Variants in COL13A1 observed in about 807,000 individuals in gnomAD.
COL13A1 encodes the protein collagen type XIII alpha 1 chain.
Under a neutral mutation model 130.9 loss-of-function variants are expected in COL13A1, and 89 were observed. That is an observed-to-expected ratio of 0.68 (90% CI 0.57 to 0.81). The LOEUF (loss-of-function observed/expected upper bound fraction) is 0.81. COL13A1 is among the 30% of genes least tolerant of loss of function. The pLI, the probability that COL13A1 is intolerant of heterozygous loss-of-function variation, is 0.00. For synonymous variants in COL13A1, 402 were observed against 341.6 expected (o/e 1.18, Z -1.95); for missense variants, 879 against 934.6 (o/e 0.94, Z 0.78).
intron 2 of COL13A1, among the ~76,000 whole-genome samples, chr10:69,835,956 A>G (rs775008718): frequency 6.6e-6 from 1 of 152,228 alleles, no homozygotes; most frequent in Non-Finnish European, 1.5e-5. Context: ...CTCCATTTCC[A>G]TAGAAGACTG....
intron 2 of COL13A1, among the ~76,000 whole-genome samples, chr10:69,861,491 T>C (rs1229816314): frequency 6.6e-6 from 1 of 152,116 alleles, no homozygotes; most frequent in African/African-American, 2.4e-5. Flanking sequence ...CTGCAATCAA[T>C]GCTAGTCCCC....
In COL13A1 at chr10:69,826,179, C is replaced by T. The variant is rs1484450619; in HGVS notation, c.364+3741C>T. ...GAGGAGCAGGACATTATAGTCTAGC[C>T]AGCGAGGAAACAGCTACTTCAGGCC... On this transcript the variant is annotated intron_variant, in intron 2 of 40. Coordinates refer to ENST00000645393, the MANE Select transcript of COL13A1 (RefSeq NM_001368882.1). Among the ~76,000 whole-genome samples the T allele has an allele frequency of 9.2e-5, 14 of 152,192 alleles. 1 individual carries two copies. Among genetic ancestry groups the T allele is most frequent in the Admixed American group, 9.2e-4 (14 of 15,284 alleles).
intron 7 of COL13A1, among the ~76,000 whole-genome samples, chr10:69,885,913 G>A (rs11812091): frequency 0.2 from 30,879 of 151,978 alleles, 3,429 homozygotes; most frequent in East Asian, 0.46. Context: ...CTAAGCCTGT[G>A]GCAGACTTCA....
At chr10:69,892,108 G>C (rs2061239144) in intron 10 of COL13A1, among the ~76,000 whole-genome samples, 1 of 152,120 alleles carries the variant, frequency 6.6e-6, no homozygotes, top group Non-Finnish European at 1.5e-5. Context: ...CCTCTCTCGT[G>C]AGCCCACATC....
In COL13A1 at chr10:69,913,948, G is replaced by A. The variant is rs574154282; in HGVS notation, c.922-3341G>A. On this transcript the variant is annotated intron_variant, in intron 17 of 40. Transcript: ENST00000645393. ...TTAAGAGAATTGACCCAGAGAGGAG[G>A]GAAGGGGCGAAGGTCAGCCACCCTA... Among the ~76,000 whole-genome samples the A allele has an allele frequency of 2.6e-5, 4 of 152,242 alleles. No individual in the cohort carries two copies. The South Asian group carries it at 8.3e-4, about 32-fold the overall frequency.
At chr10:69,817,185 C>G (rs189862263) in intron 1 of COL13A1, among the ~76,000 whole-genome samples, 2 of 152,000 alleles carry the variant, frequency 1.3e-5, no homozygotes, top group South Asian at 4.1e-4. Context: ...TTATGTTTGC[C>G]GGCCCCTGAT....
intron 2 of COL13A1, among the ~76,000 whole-genome samples, chr10:69,845,246 G>T (rs1218862688): frequency 6.7e-6 from 1 of 148,676 alleles, no homozygotes; most frequent in Non-Finnish European, 1.5e-5. Context: ...AGGCTGGAGT[G>T]CAGTGGCGTG....
chr10:69,927,661 G>A (rs937810147), intron 27 of COL13A1, among the ~76,000 whole-genome samples: 1 of 152,160 alleles, frequency 6.6e-6, no homozygotes, highest in Non-Finnish European at 1.5e-5. Context: ...AACTTCTAAG[G>A]TAGAGGATGG....
At chr10:69,884,164 G>A (rs1009601475) in intron 7 of COL13A1, among the ~76,000 whole-genome samples, 1 of 152,192 alleles carries the variant, frequency 6.6e-6, no homozygotes, top group African/African-American at 2.4e-5. Context: ...ATCTGCTGCT[G>A]GAAGTCAGAG....
At position 69,933,887 on chromosome 10, in the gene COL13A1, C is replaced by T. The variant is rs1348261454; in HGVS notation, c.1728+1283C>T. Among the ~76,000 whole-genome samples the T allele has an allele frequency of 4.6e-5, 7 of 152,290 alleles. No homozygotes were observed. The East Asian group carries it at 1.3e-3, about 29-fold the overall frequency. On this transcript the variant is annotated intron_variant, in intron 31 of 40. Transcript: ENST00000645393. ...GCACTAAGCCCTGGGTATGTAACAA[C>T]TCATTTTCACTCCACCCAGTGAATA... is the stretch of plus-strand genomic sequence containing the variant.
At position 69,919,738 on chromosome 10, in the gene COL13A1, G is replaced by A. The variant is rs1006716478; in HGVS notation, c.1089+11G>A. ...AAGAGGGGGCAGAGGGTAGGATATCGTGTATTTGAGTGTGTGCCCCTTCAT... is the reference window on the plus strand; with the variant it reads ...AAGAGGGGGCAGAGGGTAGGATATCATGTATTTGAGTGTGTGCCCCTTCAT... On this transcript the variant is annotated intron_variant, in intron 21 of 40. Transcript: ENST00000645393. 3.5e-5 allele frequency: 14 copies of A among 398,560 alleles called. No homozygotes were observed. Among genetic ancestry groups the A allele is most frequent in the East Asian group, 1.4e-4 (4 of 28,074 alleles). The allele number at this position is 398,560 out of a possible 1,614,324, so 24.7% of individuals were successfully genotyped here.
intron 13 of COL13A1, among the ~76,000 whole-genome samples, chr10:69,896,667 G>A (rs1314533575): frequency 1.3e-5 from 2 of 152,206 alleles, no homozygotes; most frequent in Non-Finnish European, 2.9e-5. Flanking sequence ...CAGGAAGCTG[G>A]AAGGCAGGCC....
intron 1 of COL13A1, among the ~76,000 whole-genome samples, chr10:69,819,118 G>A (rs1238606231): frequency 2.0e-5 from 3 of 152,188 alleles, no homozygotes; most frequent in African/African-American, 7.2e-5. Flanking sequence ...AGGATCTATT[G>A]AATAAAAGCA....
intron 1 of COL13A1, among the ~76,000 whole-genome samples, chr10:69,816,087 G>C (rs903559696): frequency 3.2e-4 from 49 of 151,388 alleles, no homozygotes; most frequent in African/African-American, 1.1e-3. Context: ...AGCTTCAGAG[G>C]CCTGTGTGAT....
intron 7 of COL13A1, among the ~76,000 whole-genome samples, chr10:69,886,529 T>A (rs1290812484): frequency 6.6e-6 from 1 of 152,168 alleles, no homozygotes; most frequent in Non-Finnish European, 1.5e-5. Context: ...TGTCTGAGCA[T>A]GGAATAGATG....
intron 40 of COL13A1, among the ~76,000 whole-genome samples, chr10:69,958,067 AC>A (rs1038608108): frequency 7.2e-5 from 11 of 151,936 alleles, no homozygotes; most frequent in Non-Finnish European, 1.3e-4. Context: ...AACGCTGACC[AC>A]CTACCTGCCT....
At chr10:69,878,264 GGC>G (rs1294648370) in intron 6 of COL13A1, among the ~76,000 whole-genome samples, 199 bp downstream of exon 6, 1 of 152,152 alleles carries the variant, frequency 6.6e-6, no homozygotes, top group Non-Finnish European at 1.5e-5. Context: ...ATTCCTGGGC[GGC>G]GGTCCCAGCT....
At chr10:69,826,303 T>TCAGC (rs1342485461) in intron 2 of COL13A1, among the ~76,000 whole-genome samples, 1 of 152,204 alleles carries the variant, frequency 6.6e-6, no homozygotes, top group African/African-American at 2.4e-5. Context: ...GAAGAATGGC[T>TCAGC]AGCTCAGCTG....
In COL13A1 at chr10:69,894,632, C is replaced by G. The variant is rs1255778975; in HGVS notation, c.631-43C>G. 3.1e-6 allele frequency: 5 copies of G among 1,613,838 alleles called. No homozygotes were observed. In the South Asian group the frequency reaches 4.4e-5, roughly 14 times the overall value. On this transcript the variant is annotated intron_variant, in intron 11 of 40. Transcript: ENST00000645393. ...CAGAGAAGCTTCCGGTGGCTGTGACCTTAGCTTTGGTTTCTAACTCTCTCA... is the reference window on the plus strand; with the variant it reads ...CAGAGAAGCTTCCGGTGGCTGTGACGTTAGCTTTGGTTTCTAACTCTCTCA...
Sources: gnomAD v4.1 joint callset for allele counts (sites outside exome capture counted in the v4.1 genomes callset) on GRCh38, gnomAD v4.1.1 for gene constraint, MANE v1.5 for transcripts, NCBI Gene and HGNC (gene_info 2026-07-23, HGNC 2026-07-21) for gene names.